PARD3: variants seen among roughly 807,000 people sequenced by gnomAD.
The protein encoded by PARD3 is partitioning defective 3 homolog.
PARD3 carries 75 observed loss-of-function variants against 155.4 expected under a neutral mutation model. The ratio of observed to expected loss-of-function variants is 0.48; its 90% CI spans 0.40 to 0.58. The LOEUF (loss-of-function observed/expected upper bound fraction) is 0.58, where lower values mean the gene tolerates loss of function less well. PARD3 is among the 20% of genes least tolerant of loss of function. The probability of loss-of-function intolerance (pLI) is 0.00; values close to 1 mark genes in which losing one functional copy is unlikely to be tolerated. For missense variants in PARD3, 1,642 were observed against 1,721.7 expected, an observed-to-expected ratio of 0.95 and a Z score of 0.82; for synonymous variants, 576 against 610.5, an observed-to-expected ratio of 0.94 and a Z score of 0.83.
intron 2 of PARD3, among the ~76,000 whole-genome samples, chr10:34,594,614 C>A (rs1045220792): frequency 6.6e-6 from 1 of 152,034 alleles, no homozygotes; most frequent in Non-Finnish European, 1.5e-5. Context: ...AAAAGAAAAT[C>A]GGCTTCAAAA....
chr10:34,729,781 C>G (rs2094784407), intron 1 of PARD3, among the ~76,000 whole-genome samples: 1 of 152,122 alleles, frequency 6.6e-6, no homozygotes, highest in African/African-American at 2.4e-5. Flanking sequence ...CCTGGAGGAG[C>G]CGGAAAAGTA....
intron 4 of PARD3, among the ~76,000 whole-genome samples, chr10:34,451,442 T>C (rs951714609): frequency 6.6e-6 from 1 of 152,172 alleles, no homozygotes; most frequent in Non-Finnish European, 1.5e-5. Context: ...GTGTGATTGA[T>C]ACTTACTCTT....
chr10:34,702,022 G>A (rs183400121), intron 1 of PARD3, among the ~76,000 whole-genome samples: 17 of 152,076 alleles, frequency 1.1e-4, no homozygotes, highest in Admixed American at 7.9e-4. Flanking sequence ...ACAATTAGCC[G>A]GGCATAGTGG....
intron 22 of PARD3, among the ~76,000 whole-genome samples, chr10:34,248,751 A>G (rs1305977467): frequency 6.6e-6 from 1 of 152,334 alleles, no homozygotes; most frequent in East Asian, 1.9e-4. Context: ...GAGACAGTCT[A>G]TACTGAAAAC....
chr10:34,337,522 A>G (rs1836321167), intron 16 of PARD3, 96 bp from the exon 17 acceptor site: 1 of 584,246 alleles, frequency 1.7e-6, no homozygotes, highest in East Asian at 3.4e-5. Flanking sequence ...GTAAATATAC[A>G]TATGTATATT....
chr10:34,511,490 A>G (rs1224999978), intron 3 of PARD3, among the ~76,000 whole-genome samples: 2 of 152,170 alleles, frequency 1.3e-5, no homozygotes, highest in Admixed American at 1.3e-4. Context: ...GGACCTTCTT[A>G]CTGCATCCTC....
At chr10:34,624,179 G>A (rs2091861617) in intron 2 of PARD3, among the ~76,000 whole-genome samples, 1 of 152,146 alleles carries the variant, frequency 6.6e-6, no homozygotes, top group Non-Finnish European at 1.5e-5. Context: ...ATGACTGCAT[G>A]CGTCTCCCAC....
intron 2 of PARD3, among the ~76,000 whole-genome samples, chr10:34,623,508 T>C (rs1397461444): frequency 6.6e-6 from 1 of 152,198 alleles, no homozygotes; most frequent in Non-Finnish European, 1.5e-5. Context: ...TGGATCAGAG[T>C]GTTTTACTGT....
intron 2 of PARD3, among the ~76,000 whole-genome samples, chr10:34,688,103 T>C (rs1328477581): frequency 6.6e-6 from 1 of 152,126 alleles, no homozygotes; most frequent in South Asian, 2.1e-4. Flanking sequence ...TCCACCCGCT[T>C]TGGCCTCCCA....
intron 2 of PARD3, among the ~76,000 whole-genome samples, chr10:34,693,258 C>G (rs990988401): frequency 6.6e-6 from 1 of 152,060 alleles, no homozygotes; most frequent in Non-Finnish European, 1.5e-5. Context: ...TGTATATATC[C>G]AAAGAAATAT....
At chr10:34,799,854 G>A (rs902420913) in intron 1 of PARD3, among the ~76,000 whole-genome samples, 1 of 151,596 alleles carries the variant, frequency 6.6e-6, no homozygotes, top group Non-Finnish European at 1.5e-5. Context: ...TTAGCCAAGT[G>A]TGGTGGCGCA....
chr10:34,426,370 C>A (rs1455387787), intron 5 of PARD3, among the ~76,000 whole-genome samples: 4 of 152,150 alleles, frequency 2.6e-5, no homozygotes, highest in African/African-American at 9.7e-5. Context: ...ACTGAAAACA[C>A]AGTAAACAGA....
chr10:34,780,845 A>G (rs1362224951), intron 1 of PARD3, among the ~76,000 whole-genome samples: 1 of 152,220 alleles, frequency 6.6e-6, no homozygotes. Flanking sequence ...ATACGCTGAA[A>G]TAAGGAAATG....
At chr10:34,286,039 C>G (rs182459636) in intron 20 of PARD3, among the ~76,000 whole-genome samples, 2 of 152,172 alleles carry the variant, frequency 1.3e-5, no homozygotes, top group East Asian at 3.9e-4. Flanking sequence ...AAAATACATG[C>G]TATGCATTTA....
At chr10:34,286,091 C>A (rs1368057136) in intron 20 of PARD3, among the ~76,000 whole-genome samples, 4 of 152,170 alleles carry the variant, frequency 2.6e-5, no homozygotes, top group African/African-American at 9.7e-5. Flanking sequence ...AGACTTTGCA[C>A]TATTTTTGTC....
At position 34,448,163 on chromosome 10, in the gene PARD3, G is replaced by GTGTA. The variant is rs373479806; in HGVS notation, c.714+2153_714+2154insTACA. Reference sequence around the variant, plus strand: ...TGTGTGTGTGTGTGTGTGTGTGTGTGTACACATAAATGTATAAAATGGAAT... The same window carrying GTGTA: ...TGTGTGTGTGTGTGTGTGTGTGTGTGTGTATACACATAAATGTATAAAATGGAAT... On this transcript the variant is annotated intron_variant, in intron 5 of 24. Transcript: ENST00000374788. 5.2e-3 allele frequency among the ~76,000 whole-genome samples: 777 copies of GTGTA among 149,748 alleles called. 9 individuals are homozygous for GTGTA. Among genetic ancestry groups the GTGTA allele is most frequent in the African/African-American group, 0.018 (746 of 40,484 alleles).
At chr10:34,488,239 T>C (rs1338289030) in intron 3 of PARD3, among the ~76,000 whole-genome samples, 1 of 152,216 alleles carries the variant, frequency 6.6e-6, no homozygotes, top group Non-Finnish European at 1.5e-5. Context: ...ACTTCCACTG[T>C]AATCTCCATA....
At chr10:34,368,867 A>G (rs1414832973) in intron 12 of PARD3, among the ~76,000 whole-genome samples, 1 of 151,094 alleles carries the variant, frequency 6.6e-6, no homozygotes, top group Non-Finnish European at 1.5e-5. Flanking sequence ...AAAAATCAAC[A>G]AGATCTCTTC....
intron 2 of PARD3, among the ~76,000 whole-genome samples, chr10:34,605,180 A>ATTTTTTTTTTT (rs750688603): frequency 1.6e-4 from 10 of 62,480 alleles, no homozygotes; most frequent in African/African-American, 5.5e-4. Flanking sequence ...CCAAAATGAA[A>ATTTTTTTTTTT]TTTTTTTTTT....
Sources: allele counts gnomAD v4.1 joint callset (sites outside exome capture counted in the v4.1 genomes callset), GRCh38; gene constraint gnomAD v4.1.1; transcripts MANE v1.5; gene names NCBI Gene and HGNC (gene_info 2026-07-23, HGNC 2026-07-21).